Variants in ZNF232 observed in about 807,000 individuals in gnomAD.
The protein encoded by ZNF232 is zinc finger protein 232.
Under a neutral mutation model 25.2 loss-of-function variants are expected in ZNF232, and 25 were observed. The observed-to-expected ratio is 0.99, with a 90% confidence interval of 0.72 to 1.39. ZNF232 has a LOEUF of 1.39. ZNF232 is among the 40% of genes most tolerant of loss of function. ZNF232 has a pLI of 0.00. For synonymous variants in ZNF232, 193 were observed against 182.9 expected, an observed-to-expected ratio of 1.06 and a Z score of -0.45; for missense variants, 519 against 520.9, an observed-to-expected ratio of 1.00 and a Z score of 0.04.
At chr17:5,105,858 C>G (rs200981387) in exon 4 of ZNF232, 1 of 1,607,454 alleles carries the variant, frequency 6.2e-7, no homozygotes, top group East Asian at 2.2e-5. Flanking sequence ...ATGAACTCTC[C>G]GATGTCTAAT....
upstream of ZNF232, among the ~76,000 whole-genome samples, chr17:5,115,679 G>A (rs879408045): frequency 6.6e-6 from 1 of 152,084 alleles, no homozygotes; most frequent in Admixed American, 6.5e-5. Flanking sequence ...ATCAAACCCC[G>A]GAGAAATTTC....
upstream of ZNF232, chr17:5,112,047 G>A (rs770161793): frequency 3.5e-5 from 22 of 636,290 alleles, no homozygotes; most frequent in Non-Finnish European, 5.0e-5. Context: ...CTGCACGACT[G>A]GACTGGAGCG....
At chr17:5,116,027 A>G (rs2072527362), upstream of ZNF232, among the ~76,000 whole-genome samples, 1 of 152,234 alleles carries the variant, frequency 6.6e-6, no homozygotes, top group Admixed American at 6.5e-5. Context: ...GAGGCCAGGC[A>G]GAGGGGACAG....
chr17:5,108,843 ATTTACCC>A lies in ZNF232; in HGVS notation c.625+76_625+82del, dbSNP rs2072324414. 2.5e-6 allele frequency: 4 copies of A among 1,596,334 alleles called. No individual in the cohort carries two copies. In the Admixed American group the frequency reaches 6.8e-5, roughly 27 times the overall value. On this transcript the variant is annotated intron_variant, in intron 3 of 3. Coordinates refer to ENST00000575898, the Ensembl canonical transcript of ZNF232. ...ACCAAACATTTAAGCACCTACTACT[ATTTACCC>A]TTTACAGGTACTAGGTACTGTGCCC...
chr17:5,121,416 C>T (rs915727047), intron 1 of ZNF232: 3 of 321,746 alleles, frequency 9.3e-6, no homozygotes, highest in African/African-American at 4.3e-5. Context: ...ACACAGAGGC[C>T]CTGCAGAGCG....
chr17:5,120,253 G>A (rs908807262), intron 1 of ZNF232, among the ~76,000 whole-genome samples: 2 of 152,156 alleles, frequency 1.3e-5, no homozygotes, highest in African/African-American at 4.8e-5. Flanking sequence ...CTGCATGCCT[G>A]TGCTGTGGGG....
upstream of ZNF232, among the ~76,000 whole-genome samples, chr17:5,115,384 T>C (rs1384544620): frequency 6.6e-6 from 1 of 151,974 alleles, no homozygotes; most frequent in Non-Finnish European, 1.5e-5. Flanking sequence ...AAACCCTCTC[T>C]CTACTAAAAA....
Position 5,106,254 on chromosome 17 carries a change from T to C in ZNF232, c.878A>G (p.Asp293Gly), listed in dbSNP as rs1248063498. ...TTTACCACATTCACTACATTCATGG[T>C]CTTTCTTCCCTGTGGGAATTTCCTT... The change falls in exon 4 of 4, where the codon GAC (aspartate) becomes GGC (glycine). Residue 293 changes from aspartate to glycine, a missense_variant. Physicochemically the swap from Asp to Gly is moderately conservative, Grantham distance 94. Coordinates refer to ENST00000575898, the Ensembl canonical transcript of ZNF232. The C allele has an allele frequency of 9.9e-6, 16 of 1,614,102 alleles. No homozygotes were observed. The highest frequency in any genetic ancestry group is 7.7e-5 in the South Asian group (7 of 91,088).
At chr17:5,121,191 C>G (rs578061300) in intron 1 of ZNF232, among the ~76,000 whole-genome samples, 1 of 152,314 alleles carries the variant, frequency 6.6e-6, no homozygotes, top group East Asian at 1.9e-4. Flanking sequence ...GTAAGAAATG[C>G]AAACAACCGC....
At chr17:5,109,753 C>T (rs568782225) in exon 2 of ZNF232, 1 of 1,614,220 alleles carries the variant, frequency 6.2e-7, no homozygotes, top group South Asian at 1.1e-5. Flanking sequence ...ATCATCTTCT[C>T]TTGTCCCTGT....
rs758978192 is a variant in ZNF232, at chr17:5,106,107, C to A, written c.1025G>T (p.Arg342Ile). The A allele has an allele frequency of 1.9e-6, 3 of 1,614,226 alleles. No individual in the cohort carries two copies. Among genetic ancestry groups the A allele is most frequent in the East Asian group, 4.5e-5 (2 of 44,892 alleles). Residue 342 changes from arginine to isoleucine, a missense_variant, in exon 4 of 4, where the codon AGA (arginine) becomes ATA (isoleucine). Transcript: ENST00000575898. ...GAAGGGTTTCTCTCCTGTATGAATT[C>A]TCTGATGCTGACCGAGGTTTGAGCT... is the stretch of plus-strand genomic sequence containing the variant.
chr17:5,106,865 A>G (rs1178671119), intron 3 of ZNF232, among the ~76,000 whole-genome samples: 1 of 152,202 alleles, frequency 6.6e-6, no homozygotes, highest in Non-Finnish European at 1.5e-5. Context: ...AGGGAAAAAC[A>G]TGAAAGAATC....
chr17:5,110,512 C>T (rs1263707496), intron 1 of ZNF232, among the ~76,000 whole-genome samples: 1 of 152,164 alleles, frequency 6.6e-6, no homozygotes, highest in South Asian at 2.1e-4. Context: ...AGCCCAGAGC[C>T]GAGCAGCTTT....
intron 3 of ZNF232, 77 bp downstream of exon 3, chr17:5,108,849 C>T (rs2072324554): frequency 6.2e-7 from 1 of 1,600,854 alleles, no homozygotes; most frequent in East Asian, 2.2e-5. Context: ...TACTATTTAC[C>T]CTTTACAGGT....
chr17:5,116,347 G>C (rs1045658820), upstream of ZNF232: 1 of 139,212 alleles, frequency 7.2e-6, no homozygotes, highest in African/African-American at 2.5e-5. Flanking sequence ...GCTTCCCGGG[G>C]CTTAGGCCCG....
At chr17:5,116,214 G>A (rs1597943327), upstream of ZNF232, among the ~76,000 whole-genome samples, 1 of 139,374 alleles carries the variant, frequency 7.2e-6, no homozygotes, top group Admixed American at 7.3e-5. Context: ...CAGCGCTCGA[G>A]ACGCTCATTG....
chr17:5,120,042 G>A (rs1336533687), intron 1 of ZNF232, among the ~76,000 whole-genome samples: 1 of 152,138 alleles, frequency 6.6e-6, no homozygotes, highest in Admixed American at 6.5e-5. Context: ...GCAGTCAGGA[G>A]GCCTTACGTG....
chr17:5,121,966 A>G (rs2072683310), intron 1 of ZNF232, among the ~76,000 whole-genome samples: 1 of 152,002 alleles, frequency 6.6e-6, no homozygotes, highest in Non-Finnish European at 1.5e-5. Flanking sequence ...GGCAATGGGG[A>G]GCCATGGAGG....
At chr17:5,115,555 A>AACACACAC (rs61171102), upstream of ZNF232, among the ~76,000 whole-genome samples, 24,468 of 148,614 alleles carry the variant, frequency 0.16, 2,202 homozygotes, top group African/African-American at 0.22. Flanking sequence ...CGTCTCCAAA[A>AACACACAC]ACACACACAC....
Sources: gnomAD v4.1 joint callset for allele counts (sites outside exome capture counted in the v4.1 genomes callset) on GRCh38, gnomAD v4.1.1 for gene constraint, MANE v1.5 for transcripts, NCBI Gene and HGNC (gene_info 2026-07-23, HGNC 2026-07-21) for gene names.